MON2: variants seen among roughly 807,000 people sequenced by gnomAD.
MON2 encodes protein MON2 homolog.
MON2 carries 84 observed loss-of-function variants against 208.6 expected under a neutral mutation model. The observed-to-expected ratio is 0.40, with a 90% CI of 0.34 to 0.48. The LOEUF (loss-of-function observed/expected upper bound fraction) is 0.48. MON2 is among the 20% of genes least tolerant of loss of function. The pLI is 0.59. For missense variants in MON2, 1,611 were observed against 2,015.4 expected (o/e 0.80, Z 3.84); for synonymous variants, 660 against 694.0 (o/e 0.95, Z 0.77).
chr12:62,559,562 G>A (rs2074119179), intron 25 of MON2, among the ~76,000 whole-genome samples: 1 of 152,180 alleles, frequency 6.6e-6, no homozygotes, highest in South Asian at 2.1e-4. Context: ...AGGATCGCTT[G>A]AGCCCAGGAG....
intron 31 of MON2, among the ~76,000 whole-genome samples, chr12:62,579,497 G>A (rs956942926): frequency 2.0e-5 from 3 of 151,702 alleles, no homozygotes; most frequent in African/African-American, 7.3e-5. Context: ...GTGGAGGCAG[G>A]CAGACCATGA....
intron 31 of MON2, among the ~76,000 whole-genome samples, chr12:62,579,923 G>T (rs2074941226): frequency 6.6e-6 from 1 of 152,068 alleles, no homozygotes; most frequent in Non-Finnish European, 1.5e-5. Context: ...GATAGTTTTT[G>T]GTTATAAAAA....
At chr12:62,488,090 C>T (rs2069900904) in intron 2 of MON2, among the ~76,000 whole-genome samples, 1 of 152,132 alleles carries the variant, frequency 6.6e-6, no homozygotes, top group Non-Finnish European at 1.5e-5. Flanking sequence ...TAAGTCATTG[C>T]TGCCTCTAGT....
intron 23 of MON2, among the ~76,000 whole-genome samples, chr12:62,550,983 G>C (rs1164399657): frequency 7.2e-6 from 1 of 138,672 alleles, no homozygotes; most frequent in Non-Finnish European, 1.5e-5. Flanking sequence ...GCAGTGGCAT[G>C]ATCTTGGCTC....
At chr12:62,590,143 T>C (rs1359377761) in intron 34 of MON2, among the ~76,000 whole-genome samples, 2 of 152,202 alleles carry the variant, frequency 1.3e-5, no homozygotes, top group African/African-American at 4.8e-5. Flanking sequence ...CAGGCTAGTG[T>C]GCAGTGGTGT....
chr12:62,480,022 G>C (rs184568158), intron 1 of MON2, among the ~76,000 whole-genome samples: 53 of 152,238 alleles, frequency 3.5e-4, no homozygotes, highest in African/African-American at 1.2e-3. Context: ...TCATACCTAA[G>C]TGATATACAA....
At chr12:62,494,334 A>C (rs984505614) in intron 3 of MON2, among the ~76,000 whole-genome samples, 1 of 152,188 alleles carries the variant, frequency 6.6e-6, no homozygotes, top group Non-Finnish European at 1.5e-5. Context: ...TTTCTTTTAT[A>C]AAAAGAGGAG....
chr12:62,575,684 AAC>A (rs2074747965), intron 30 of MON2, among the ~76,000 whole-genome samples: 1 of 152,210 alleles, frequency 6.6e-6, no homozygotes, highest in Admixed American at 6.5e-5. Context: ...GGAATACAAT[AAC>A]ACAGAAAATA....
intron 27 of MON2, 55 bp downstream of exon 27, chr12:62,565,435 G>A (rs1490081981): frequency 1.4e-6 from 2 of 1,436,236 alleles, no homozygotes; most frequent in Non-Finnish European, 1.9e-6. Flanking sequence ...TATAAATACA[G>A]ATAGTTCCAC....
chr12:62,580,323 A>G lies in MON2; in HGVS notation c.4602A>G (p.Ile1534Met). ...TAGTTCAACTTATCAGCAATGAGAT[A>G]CTACCTTATGCCAATTTTATTCCTA... Reference protein sequence around the residue: ...VEVVQLISNEILPYANFIPKE... With the variant: ...VEVVQLISNEMLPYANFIPKE... The change falls in exon 32 of 35, where the codon ATA becomes ATG. Residue 1534 changes from isoleucine to methionine, a missense_variant. Ile to Met is a conservative substitution (Grantham distance 10). Coordinates refer to ENST00000393630, the MANE Select transcript of MON2 (RefSeq NM_015026.3). 9 of 1,611,140 alleles carry G rather than the reference A, an allele frequency of 5.6e-6. No individual in the cohort carries two copies. The highest frequency in any genetic ancestry group is 1.1e-5 in the South Asian group (1 of 90,838).
At chr12:62,551,649 A>G (rs2073751507) in intron 23 of MON2, among the ~76,000 whole-genome samples, 2 of 152,242 alleles carry the variant, frequency 1.3e-5, no homozygotes, top group Non-Finnish European at 2.9e-5. Context: ...ACCTTTATAA[A>G]TTGCAATTTA....
chr12:62,588,034 T>G, intron 33 of MON2, 40 bp from the exon 34 acceptor site: 2 of 1,394,768 alleles, frequency 1.4e-6, no homozygotes, highest in Non-Finnish European at 2.0e-6. Context: ...CCTGGCAACT[T>G]TAAAATCTTA....
At chr12:62,558,218 T>C (rs2074067679) in intron 25 of MON2, among the ~76,000 whole-genome samples, 1 of 151,778 alleles carries the variant, frequency 6.6e-6, no homozygotes, top group Non-Finnish European at 1.5e-5. Flanking sequence ...CTTCAGGTGA[T>C]CTGCCTGCCT....
intron 5 of MON2, among the ~76,000 whole-genome samples, 197 bp downstream of exon 5, chr12:62,499,245 G>T (rs2070708059): frequency 6.6e-6 from 1 of 152,062 alleles, no homozygotes; most frequent in African/African-American, 2.4e-5. Context: ...GCATAATTTT[G>T]TATTAAATAT....
rs1406010822 is a variant in MON2, at chr12:62,592,606, C to G, written c.5011C>G (p.Gln1671Glu). The change falls in exon 35 of 35, where the codon CAA (glutamine) becomes GAA (glutamate). Residue 1671 changes from glutamine (Q) to glutamate (E), a missense_variant. Coordinates refer to ENST00000393630, the MANE Select transcript of MON2 (RefSeq NM_015026.3). ...TACAGTTGATGGAAATACCTGGGCA[C>G]AAGTAATTGCCTTATACCCAACTTT... is the stretch of plus-strand genomic sequence containing the variant. ...PENVDGNTWA[Q>E]VIALYPTLVE... The G allele has an allele frequency of 6.3e-7, 1 of 1,599,838 alleles. No homozygotes were observed. Among genetic ancestry groups the G allele is most frequent in the African/African-American group, 1.3e-5 (1 of 74,746 alleles).
At chr12:62,552,537 T>A (rs1319070080) in intron 23 of MON2, among the ~76,000 whole-genome samples, 1 of 152,162 alleles carries the variant, frequency 6.6e-6, no homozygotes, top group East Asian at 1.9e-4. Context: ...TATTATAGTT[T>A]TTTTTTATAG....
chr12:62,581,611 A>G (rs1172175007), intron 32 of MON2, among the ~76,000 whole-genome samples: 1 of 152,088 alleles, frequency 6.6e-6, no homozygotes, highest in Non-Finnish European at 1.5e-5. Flanking sequence ...CGAGACGGGC[A>G]GATCACTTAA....
chr12:62,554,397 T>G (rs2073876495), intron 24 of MON2, among the ~76,000 whole-genome samples: 1 of 152,178 alleles, frequency 6.6e-6, no homozygotes, highest in South Asian at 2.1e-4. Context: ...TCCTGAGAAT[T>G]TGAATTTCTA....
Position 62,469,115 on chromosome 12 carries a change from C to CT in MON2, c.111+1815dup, listed in dbSNP as rs564958691. On this transcript the variant is annotated intron_variant, in intron 1 of 34. Coordinates refer to ENST00000393630, the MANE Select transcript of MON2 (RefSeq NM_015026.3). The stretch of plus-strand genomic sequence containing the variant: ...CCACCACGACAGGCTAATTTTTCGC[C>CT]TTTTTTTTTTTTTTTTTTGTAGAGA... Among the ~76,000 whole-genome samples the CT allele has an allele frequency of 1.3e-3, 143 of 113,494 alleles. 1 individual carries two copies. Among genetic ancestry groups the CT allele is most frequent in the East Asian group, 6.3e-3 (27 of 4,276 alleles). The allele number at this position is 113,494 out of a possible 152,430, so 74.5% of individuals were successfully genotyped here.
Sources: gnomAD v4.1 joint callset for allele counts (sites outside exome capture counted in the v4.1 genomes callset) on GRCh38, gnomAD v4.1.1 for gene constraint, MANE v1.5 for transcripts, NCBI Gene and HGNC (gene_info 2026-07-23, HGNC 2026-07-21) for gene names.